The following CDC42SE2 variants were observed in gnomAD, a reference collection of about 807,000 sequenced individuals.
The protein encoded by CDC42SE2 is CDC42 small effector 2.
In CDC42SE2, 3 loss-of-function variants were observed where a neutral mutation model predicts 11.5. The observed-to-expected ratio is 0.26, with a 90% CI of 0.12 to 0.67. The LOEUF (loss-of-function observed/expected upper bound fraction) is 0.67. Among genes scored for constraint, CDC42SE2 ranks in the 30% least tolerant of loss-of-function variants. The pLI is 0.80. For missense variants in CDC42SE2, 82 were observed against 106.8 expected, an observed-to-expected ratio of 0.77 and a Z score of 1.02; for synonymous variants, 33 against 34.8, an observed-to-expected ratio of 0.95 and a Z score of 0.18.
chr5:131,244,395 A>C (rs184789093), upstream of CDC42SE2, among the ~76,000 whole-genome samples: 30 of 152,314 alleles, frequency 2.0e-4, no homozygotes, highest in Middle Eastern at 3.4e-3. Flanking sequence ...TGCAGAAAAC[A>C]TGTTCAATTT....
At chr5:131,254,561 CAG>C (rs1756665058) in intron 1 of CDC42SE2, among the ~76,000 whole-genome samples, 1 of 150,330 alleles carries the variant, frequency 6.7e-6, no homozygotes, top group Non-Finnish European at 1.5e-5. Context: ...AAAAGAGAGA[CAG>C]AAAGAAAAAG....
At chr5:131,349,911 T>C (rs1758960003) in intron 2 of CDC42SE2, among the ~76,000 whole-genome samples, 1 of 152,174 alleles carries the variant, frequency 6.6e-6, no homozygotes, top group Admixed American at 6.6e-5. Context: ...ATCTTTTTGC[T>C]TTTTTCTAAA....
the CDC42SE2 span, among the ~76,000 whole-genome samples, chr5:131,240,311 T>A: frequency 6.6e-6 from 1 of 152,242 alleles, no homozygotes; most frequent in Non-Finnish European, 1.5e-5. Context: ...AACATTTCTC[T>A]GTATGTTTAT....
At chr5:131,293,595 G>T (rs895505464) in intron 1 of CDC42SE2, among the ~76,000 whole-genome samples, 2 of 151,268 alleles carry the variant, frequency 1.3e-5, no homozygotes, top group African/African-American at 4.8e-5. Context: ...AAAAAAAGTG[G>T]GCCCTCACCA....
intron 4 of CDC42SE2, among the ~76,000 whole-genome samples, chr5:131,387,361 C>A (rs561698161): frequency 6.6e-6 from 1 of 152,202 alleles, no homozygotes; most frequent in African/African-American, 2.4e-5. Flanking sequence ...CCAGCCTGAG[C>A]AATGTAGTGA....
At chr5:131,243,114 C>A (rs1301411715), upstream of CDC42SE2, among the ~76,000 whole-genome samples, 1 of 151,976 alleles carries the variant, frequency 6.6e-6, no homozygotes, top group Non-Finnish European at 1.5e-5. Flanking sequence ...TTGTATTTTT[C>A]TTTCCTTTTG....
At chr5:131,256,050 T>G (rs902795348) in intron 2 of CDC42SE2, among the ~76,000 whole-genome samples, 1 of 152,196 alleles carries the variant, frequency 6.6e-6, no homozygotes, top group Non-Finnish European at 1.5e-5. Context: ...TAAGGGACTT[T>G]GTCTTTCCAC....
intron 2 of CDC42SE2, among the ~76,000 whole-genome samples, chr5:131,323,547 G>GTTTTT (rs1171213231): frequency 3.0e-4 from 25 of 82,582 alleles, no homozygotes; most frequent in Middle Eastern, 0.012. Flanking sequence ...TCTCTCTCTG[G>GTTTTT]TTTTTTTTTT....
At position 131,336,727 on chromosome 5, in the gene CDC42SE2, T is replaced by G. The variant is rs573123617; in HGVS notation, c.-286+20583T>G. Among the ~76,000 whole-genome samples the G allele has an allele frequency of 5.3e-5, 8 of 152,334 alleles. No homozygotes were observed. The South Asian group carries it at 1.7e-3, about 32-fold the overall frequency. On this transcript the variant is annotated intron_variant, in intron 2 of 4. Coordinates refer to ENST00000505065, the MANE Select transcript of CDC42SE2 (RefSeq NM_001375635.1). ...AAGCTTCATTTCATTCATTTCATCT[T>G]CCATCACTGATACCCTTTCTTCCAG...
At chr5:131,282,864 C>T (rs1396164996) in intron 1 of CDC42SE2, among the ~76,000 whole-genome samples, 2 of 150,382 alleles carry the variant, frequency 1.3e-5, no homozygotes, top group Admixed American at 6.6e-5. Flanking sequence ...CTCCTGACCT[C>T]GTGATGCGCC....
At chr5:131,272,128 A>G (rs1480076889) in intron 1 of CDC42SE2, among the ~76,000 whole-genome samples, 1 of 152,052 alleles carries the variant, frequency 6.6e-6, no homozygotes, top group African/African-American at 2.4e-5. Context: ...CTCCTGCCTC[A>G]GCCTCCCGAG....
the CDC42SE2 span, among the ~76,000 whole-genome samples, chr5:131,219,928 A>G: frequency 6.6e-6 from 1 of 152,122 alleles, no homozygotes; most frequent in Non-Finnish European, 1.5e-5. Flanking sequence ...CAGAGCAAGA[A>G]CCTGTCTCAA....
At chr5:131,342,276 CTCA>C (rs1561591381) in intron 2 of CDC42SE2, among the ~76,000 whole-genome samples, 1 of 10,936 alleles carries the variant, frequency 9.1e-5, no homozygotes, top group Non-Finnish European at 1.4e-4. Context: ...AAGACTCCTT[CTCA>C]AAAAAAAAAA....
chr5:131,346,521 C>T lies in CDC42SE2; in HGVS notation c.-285-12688C>T, dbSNP rs142056194. Reference sequence around the variant, plus strand: ...CATAAAGCAAGTCCTTAGAGACCTACAAAGAGACTTAGATTCCCACACAAT... The same window carrying T: ...CATAAAGCAAGTCCTTAGAGACCTATAAAGAGACTTAGATTCCCACACAAT... On this transcript the variant is annotated intron_variant, in intron 2 of 4. Transcript: ENST00000505065. Among the ~76,000 whole-genome samples the T allele has an allele frequency of 1.7e-3, 254 of 152,300 alleles. 1 individual carries two copies. The East Asian group carries it at 0.017, about 10-fold the overall frequency.
At chr5:131,270,625 G>C (rs1188987488) in intron 1 of CDC42SE2, among the ~76,000 whole-genome samples, 2 of 152,174 alleles carry the variant, frequency 1.3e-5, no homozygotes, top group African/African-American at 4.8e-5. Flanking sequence ...TCTCCCTGTA[G>C]ACTAAGTCTT....
In CDC42SE2 at chr5:131,348,613, A is replaced by C. The variant is rs559114093; in HGVS notation, c.-285-10596A>C. On this transcript the variant is annotated intron_variant, in intron 2 of 4. Transcript: ENST00000505065. Reference sequence around the variant, plus strand: ...TGCCATCCCCATCAATCTACCAATGACTTTCTTCACAGAATTGGAAAAAAC... The same window carrying C: ...TGCCATCCCCATCAATCTACCAATGCCTTTCTTCACAGAATTGGAAAAAAC... Among the ~76,000 whole-genome samples the C allele has an allele frequency of 1.4e-3, 213 of 152,300 alleles. 1 individual carries two copies. The highest frequency in any genetic ancestry group is 4.3e-3 in the African/African-American group (177 of 41,556).
the CDC42SE2 span, among the ~76,000 whole-genome samples, chr5:131,239,570 C>A: frequency 6.6e-6 from 1 of 152,046 alleles, no homozygotes; most frequent in Non-Finnish European, 1.5e-5. Flanking sequence ...TTTTGAGTGA[C>A]TTTGCCATTT....
chr5:131,335,734 G>T (rs894199329), intron 2 of CDC42SE2, among the ~76,000 whole-genome samples: 4 of 152,120 alleles, frequency 2.6e-5, no homozygotes, highest in South Asian at 4.2e-4. Context: ...GACCTTCTTT[G>T]TCTCTTTTGA....
chr5:131,364,054 CTG>C (rs990515268), intron 3 of CDC42SE2, among the ~76,000 whole-genome samples: 7 of 152,078 alleles, frequency 4.6e-5, no homozygotes, highest in Admixed American at 6.6e-5. Context: ...CAATAACACT[CTG>C]GTATTTCTAC....
Sources: gnomAD v4.1 joint callset for allele counts (sites outside exome capture counted in the v4.1 genomes callset) on GRCh38, gnomAD v4.1.1 for gene constraint, MANE v1.5 for transcripts, NCBI Gene and HGNC (gene_info 2026-07-23, HGNC 2026-07-21) for gene names.